DIAPH3: variants seen among roughly 807,000 people sequenced by gnomAD.
DIAPH3 encodes the protein diaphanous related formin 3, also known as protein diaphanous homolog 3.
Under a neutral mutation model 144.3 loss-of-function variants are expected in DIAPH3, and 117 were observed. The observed-to-expected ratio is 0.81, with a 90% CI of 0.70 to 0.95. DIAPH3 has a LOEUF of 0.95. Among genes scored for constraint, DIAPH3 ranks in the 40% least tolerant of loss-of-function variants. The pLI is 0.00. For synonymous variants in DIAPH3, 519 were observed against 488.9 expected (o/e 1.06, Z -0.81); for missense variants, 1,421 against 1,412.7 (o/e 1.01, Z -0.09).
intron 27 of DIAPH3, among the ~76,000 whole-genome samples, chr13:59,721,954 GCT>G (rs1226940129): frequency 1.3e-5 from 2 of 152,196 alleles, no homozygotes; most frequent in African/African-American, 2.4e-5. Context: ...GGCTGCTTGT[GCT>G]CTTTCAGAAG....
At chr13:59,875,532 A>G (rs2044565536) in intron 21 of DIAPH3, among the ~76,000 whole-genome samples, 1 of 152,080 alleles carries the variant, frequency 6.6e-6, no homozygotes, top group Non-Finnish European at 1.5e-5. Flanking sequence ...TTGTTCTAAA[A>G]AAAAAATCCT....
At chr13:60,022,396 A>T (rs2054088273) in intron 5 of DIAPH3, among the ~76,000 whole-genome samples, 2 of 152,306 alleles carry the variant, frequency 1.3e-5, no homozygotes, top group Admixed American at 1.3e-4. Flanking sequence ...ATTTTTGTAG[A>T]TCTCTTTACC....
intron 17 of DIAPH3, among the ~76,000 whole-genome samples, chr13:59,967,365 G>A (rs2050120261): frequency 6.6e-6 from 1 of 151,900 alleles, no homozygotes. Context: ...GGGAGCCATT[G>A]CACCCGGCCA....
At chr13:59,993,702 T>TTAAAAAAAAAAAAAAAA (rs577489826) in intron 9 of DIAPH3, among the ~76,000 whole-genome samples, 1 of 73,896 alleles carries the variant, frequency 1.4e-5, no homozygotes, top group Non-Finnish European at 2.5e-5. Flanking sequence ...GAAACATACT[T>TTAAAAAAAAAAAAAAAA]AAAAAAAAAA....
intron 13 of DIAPH3, 129 bp from the exon 14 acceptor site, chr13:59,980,988 G>GA (rs1356000261): frequency 2.1e-5 from 15 of 699,962 alleles, no homozygotes; most frequent in Non-Finnish European, 3.3e-5. Flanking sequence ...AAACAAAATG[G>GA]AAAAAATATT....
intron 27 of DIAPH3, among the ~76,000 whole-genome samples, chr13:59,758,857 G>T (rs2037421350): frequency 6.6e-6 from 1 of 150,602 alleles, no homozygotes; most frequent in African/African-American, 2.4e-5. Flanking sequence ...ATGGCTTACT[G>T]CAGCCTTAAC....
At chr13:59,877,818 T>C (rs972781300) in intron 21 of DIAPH3, among the ~76,000 whole-genome samples, 5 of 151,910 alleles carry the variant, frequency 3.3e-5, no homozygotes, top group Admixed American at 3.3e-4. Flanking sequence ...GGCCACTCAC[T>C]GTACTCACAC....
intron 17 of DIAPH3, among the ~76,000 whole-genome samples, chr13:59,938,401 G>A (rs1221901478): frequency 6.6e-6 from 1 of 152,032 alleles, no homozygotes; most frequent in Non-Finnish European, 1.5e-5. Flanking sequence ...TTGAGGCCAG[G>A]ATTTCAAGAC....
In DIAPH3 at chr13:60,075,429, G is replaced by A. The variant is rs139777888; in HGVS notation, c.495+18199C>T. ...CATACAAAAGTTTTTAGTTGTATTA[G>A]CAAATGTAGCCATCTTTTTTCCCTT... On this transcript the variant is annotated intron_variant, in intron 4 of 27. Transcript: ENST00000400324. Among the ~76,000 whole-genome samples, 5 of 152,160 alleles carry A rather than the reference G, an allele frequency of 3.3e-5. No homozygotes were observed. In the East Asian group the frequency reaches 9.6e-4, roughly 29 times the overall value.
intron 21 of DIAPH3, among the ~76,000 whole-genome samples, chr13:59,866,613 C>T (rs340215): frequency 0.49 from 74,180 of 151,790 alleles, 19,416 homozygotes; most frequent in Non-Finnish European, 0.57. Context: ...AAATAAAATG[C>T]CATCTGAATC....
chr13:60,138,193 A>C lies in DIAPH3; in HGVS notation c.181-5204T>G, dbSNP rs190454890. ...AGAATCACACCAAGACTTTCTCTGA[A>C]AAGCTAGATTAGAGGGCCTCAGTCT... On this transcript the variant is annotated intron_variant, in intron 1 of 27. Transcript: ENST00000400324. Among the ~76,000 whole-genome samples, 112 of 152,282 alleles carry C rather than the reference A, an allele frequency of 7.4e-4. 1 individual carries two copies. The Middle Eastern group carries it at 0.024, about 32-fold the overall frequency.
intron 27 of DIAPH3, among the ~76,000 whole-genome samples, chr13:59,766,006 C>A (rs781013502): frequency 1.3e-5 from 2 of 152,166 alleles, no homozygotes; most frequent in Admixed American, 1.3e-4. Flanking sequence ...CACTGGTGAA[C>A]CACACATTGT....
At chr13:59,724,892 T>C (rs549931204) in intron 27 of DIAPH3, among the ~76,000 whole-genome samples, 7 of 152,238 alleles carry the variant, frequency 4.6e-5, no homozygotes, top group Non-Finnish European at 1.0e-4. Flanking sequence ...TGCACTATTG[T>C]TGCTGTGAGG....
chr13:59,699,227 T>C (rs1422481864), intron 27 of DIAPH3, among the ~76,000 whole-genome samples: 1 of 152,204 alleles, frequency 6.6e-6, no homozygotes, highest in African/African-American at 2.4e-5. Flanking sequence ...AAAGAATGGT[T>C]GGAGTAGGCC....
chr13:59,705,150 A>G (rs2034345530), intron 27 of DIAPH3, among the ~76,000 whole-genome samples: 1 of 151,288 alleles, frequency 6.6e-6, no homozygotes, highest in African/African-American at 2.5e-5. Context: ...GCATTCAAAA[A>G]TGATTATAGC....
intron 17 of DIAPH3, among the ~76,000 whole-genome samples, chr13:59,933,096 C>T (rs2048098212): frequency 6.6e-6 from 1 of 152,132 alleles, no homozygotes; most frequent in South Asian, 2.1e-4. Flanking sequence ...TAAAGGAGGA[C>T]ATTTAGTGAG....
intron 25 of DIAPH3, among the ~76,000 whole-genome samples, chr13:59,777,984 A>G (rs1211386052): frequency 2.6e-5 from 4 of 152,326 alleles, no homozygotes; most frequent in Middle Eastern, 3.4e-3. Flanking sequence ...ATTACATTGT[A>G]CCAATGTTAA....
intron 27 of DIAPH3, among the ~76,000 whole-genome samples, chr13:59,773,167 A>AAGACCTATTTATT (rs2038213742): frequency 6.6e-6 from 1 of 152,132 alleles, no homozygotes; most frequent in African/African-American, 2.4e-5. Flanking sequence ...AACAACAAAA[A>AAGACCTATTTATT]AGACCTATTT....
intron 27 of DIAPH3, among the ~76,000 whole-genome samples, chr13:59,705,989 G>A (rs1036488735): frequency 1.3e-5 from 2 of 151,476 alleles, no homozygotes; most frequent in Non-Finnish European, 1.5e-5. Context: ...CTACGTAGAC[G>A]TTTCTCAGTA....
Sources: gnomAD v4.1 joint callset for allele counts (sites outside exome capture counted in the v4.1 genomes callset) on GRCh38, gnomAD v4.1.1 for gene constraint, MANE v1.5 for transcripts, NCBI Gene and HGNC (gene_info 2026-07-23, HGNC 2026-07-21) for gene names.